RAPGEF3: variants seen among roughly 807,000 people sequenced by gnomAD.
RAPGEF3 encodes the protein Rap guanine nucleotide exchange factor 3, also known as 9330170P05Rik.
A neutral mutation model predicts 129.8 loss-of-function variants in RAPGEF3; 103 were observed. The ratio of observed to expected loss-of-function variants is 0.79; its 90% CI spans 0.68 to 0.93. RAPGEF3 has a LOEUF of 0.93. Ranked by LOEUF, RAPGEF3 falls within the 40% of genes least tolerant of loss-of-function variation. The pLI is 0.00. For missense variants in RAPGEF3, 1,117 were observed against 1,207.4 expected, an observed-to-expected ratio of 0.93 and a Z score of 1.11; for synonymous variants, 436 against 482.6, an observed-to-expected ratio of 0.90 and a Z score of 1.26.
intron 1 of RAPGEF3, 138 bp from the exon 2 acceptor site, chr12:47,758,216 G>T: frequency 7.0e-7 from 1 of 1,438,262 alleles, no homozygotes. Flanking sequence ...CCTGCCAGGA[G>T]CTGGGGGGAG....
rs2136724620 is a variant in RAPGEF3, at chr12:47,737,957, T to A, written c.2653+65A>T. ...TGGCACATGGCAAGTGCCTAGGATG[T>A]GCCAGCCATGGGTAACTACCATAAG... On this transcript the variant is annotated intron_variant, in intron 27 of 27. Coordinates refer to ENST00000449771, the MANE Select transcript of RAPGEF3 (RefSeq NM_001098531.4). 2.0e-6 allele frequency: 3 copies of A among 1,537,160 alleles called. No homozygotes were observed. In the South Asian group the frequency reaches 3.4e-5, roughly 17 times the overall value.
chr12:47,757,734 G>T, intron 2 of RAPGEF3, 132 bp downstream of exon 2: 1 of 835,894 alleles, frequency 1.2e-6, no homozygotes, highest in Non-Finnish European at 1.8e-6. Context: ...TCCTGACCCA[G>T]TGTCCACGGC....
chr12:47,752,029 T>G, intron 2 of RAPGEF3, 60 bp from the exon 3 acceptor site: 1 of 1,557,548 alleles, frequency 6.4e-7, no homozygotes, highest in Non-Finnish European at 8.8e-7. Flanking sequence ...AGCTCTTGGA[T>G]ACCTCCCCTC....
At chr12:47,740,528 C>G (rs966297292) in intron 21 of RAPGEF3, 114 bp downstream of exon 21, 1 of 1,485,664 alleles carries the variant, frequency 6.7e-7, no homozygotes, top group Middle Eastern at 1.7e-4. Flanking sequence ...CTCCAGGGGA[C>G]CCAGGGAACA....
In RAPGEF3 at chr12:47,741,040, T is replaced by A. The variant is rs143474061; in HGVS notation, c.1924A>T (p.Ile642Phe). The change falls in exon 20 of 28, where the codon ATC (isoleucine) becomes TTC (phenylalanine). Residue 642 changes from isoleucine to phenylalanine, a missense_variant and splice_region_variant. Physicochemically the swap from Ile to Phe is conservative, Grantham distance 21 (BLOSUM62 0). Coordinates refer to ENST00000449771, the MANE Select transcript of RAPGEF3 (RefSeq NM_001098531.4). ...VVNPQEVHEL[I>F]PHPDQLGPTV... ...GGCCCCAGCTGGTCAGGGTGTGGGA[T>A]CTGCGGGTGGGAGAGTGCTCAGGGG... The A allele has an allele frequency of 2.5e-6, 4 of 1,612,108 alleles. No homozygotes were observed. The highest frequency in any genetic ancestry group is 3.4e-6 in the Non-Finnish European group (4 of 1,179,400).
At chr12:47,744,355 C>T (rs1941317106) in intron 16 of RAPGEF3, 1 of 378,924 alleles carries the variant, frequency 2.6e-6, no homozygotes. Context: ...TATGAAAATC[C>T]TTCAGCTGCT....
intron 19 of RAPGEF3, 130 bp downstream of exon 19, chr12:47,741,375 C>T: frequency 1.0e-5 from 9 of 890,352 alleles, no homozygotes; most frequent in Non-Finnish European, 1.6e-5. Flanking sequence ...CCTTTGTGTG[C>T]TGAGGACCCA....
rs1347931577 is a variant in RAPGEF3 at position 47,749,655 on chromosome 12, G to C, written c.894+86C>G. ...AGGAGACACGGGGTCAGCAGCAGTA[G>C]ATCAACAAAGGCACTGCCCATGAGG... On this transcript the variant is annotated intron_variant, in intron 9 of 27. Coordinates refer to ENST00000449771, the MANE Select transcript of RAPGEF3 (RefSeq NM_001098531.4). This position sits in a 1 kb window ranked among gnomAD's most constrained non-coding sequence, Gnocchi z 4.5. The C allele has an allele frequency of 1.3e-6, 2 of 1,589,840 alleles. No homozygotes were observed. The highest frequency in any genetic ancestry group is 2.7e-5 in the African/African-American group (2 of 74,534).
At position 47,739,688 on chromosome 12, in the gene RAPGEF3, G is replaced by C. The variant is rs1395149574; in HGVS notation, c.2373+453C>G. ...CCTCAAAAGTTCCTGGAGGTGGGAG[G>C]TTCCACCCCCAACTCTATCCTCGCC... On this transcript the variant is annotated intron_variant, in intron 23 of 27. Coordinates refer to ENST00000449771, the MANE Select transcript of RAPGEF3 (RefSeq NM_001098531.4). The C allele has an allele frequency of 1.7e-5, 6 of 361,908 alleles. No homozygotes were observed. In the East Asian group the frequency reaches 3.4e-4, roughly 20 times the overall value. 22.4% of individuals were successfully genotyped at this position (361,908 alleles called of 1,614,324 possible). A position where few individuals can be genotyped will look rare whatever the true frequency, so the allele number is the denominator to read the frequency against.
chr12:47,736,312 C>A lies in RAPGEF3; in HGVS notation c.*1255G>T, dbSNP rs1393238412. The A allele has an allele frequency of 6.6e-6, 1 of 152,280 alleles. No homozygotes were observed. The highest frequency in any genetic ancestry group is 1.5e-5 in the Non-Finnish European group (1 of 68,076). The allele number at this position is 152,280 out of a possible 1,614,324, so 9.4% of individuals were successfully genotyped here. A position where few individuals can be genotyped will look rare whatever the true frequency, so the allele number is the denominator to read the frequency against. On this transcript the variant is annotated 3_prime_UTR_variant, in exon 28 of 28. Coordinates refer to ENST00000449771, the MANE Select transcript of RAPGEF3 (RefSeq NM_001098531.4). The stretch of plus-strand genomic sequence containing the variant: ...TGCAGAGGGGCCATACCAGCTGCCT[C>A]TGGACGCCCAAGGCCCTGCAGCCTC...
chr12:47,743,447 A>G, intron 18 of RAPGEF3, 83 bp downstream of exon 18: 3 of 1,491,294 alleles, frequency 2.0e-6, no homozygotes, highest in African/African-American at 2.8e-5. Flanking sequence ...GATGACAATG[A>G]TGACAATGAT....
At chr12:47,750,237 T>C (rs1475055952) in intron 7 of RAPGEF3, 104 bp downstream of exon 7, 2 of 1,283,766 alleles carry the variant, frequency 1.6e-6, no homozygotes, top group Non-Finnish European at 2.2e-6. Flanking sequence ...CAGCCATAGA[T>C]GGAAGTGGAG....
intron 2 of RAPGEF3, 109 bp downstream of exon 2, chr12:47,757,757 G>A: frequency 1.8e-6 from 2 of 1,100,072 alleles, no homozygotes; most frequent in Admixed American, 4.5e-5. Context: ...CTGTACCACT[G>A]TACACCCCCA....
rs56304982 is a variant in RAPGEF3 at position 47,758,822 on chromosome 12, G to C, written c.-266C>G. 0.29 allele frequency: 357,604 copies of C among 1,219,636 alleles called. 53,483 individuals are homozygous for C. Among genetic ancestry groups the C allele is most frequent in the African/African-American group, 0.36 (23,039 of 64,154 alleles). The allele number at this position is 1,219,636 out of a possible 1,614,324, so 75.6% of individuals were successfully genotyped here. A position where few individuals can be genotyped will look rare whatever the true frequency, so the allele number is the denominator to read the frequency against. ...ACCGGCGACAGGGAGCCCCGAGCCT[G>C]CGCCTTCGTCTCAGACGAAGGAGCC... On this transcript the variant is annotated 5_prime_UTR_variant, in exon 1 of 28. Coordinates refer to ENST00000449771, the MANE Select transcript of RAPGEF3 (RefSeq NM_001098531.4).
chr12:47,751,837 G>C lies in RAPGEF3; in HGVS notation c.274-8C>G, dbSNP rs1941769520. 6.2e-7 allele frequency: 1 copy of C among 1,614,044 alleles called. No individual in the cohort carries two copies. Among genetic ancestry groups the C allele is most frequent in the Non-Finnish European group, 8.5e-7 (1 of 1,180,012 alleles). On this transcript the variant is annotated splice_region_variant and splice_polypyrimidine_tract_variant and intron_variant, in intron 3 of 27. Coordinates refer to ENST00000449771, the MANE Select transcript of RAPGEF3 (RefSeq NM_001098531.4). ...CACCCGCTCTGTGGAGGCCTTAGAG[G>C]GAGGAAGGGCACAGCAGTTCAGGCT...
intron 26 of RAPGEF3, 23 bp downstream of exon 26, chr12:47,738,170 A>G: frequency 8.0e-7 from 1 of 1,254,200 alleles, no homozygotes; most frequent in Non-Finnish European, 1.1e-6. Context: ...GGGACCTCCC[A>G]CCCCGGGGAC....
At chr12:47,753,696 A>T (rs1014183389) in intron 2 of RAPGEF3, among the ~76,000 whole-genome samples, 1 of 152,250 alleles carries the variant, frequency 6.6e-6, no homozygotes, top group Non-Finnish European at 1.5e-5. Context: ...CTGTGTCGGA[A>T]CAAACAGTGC....
chr12:47,737,288 C>T lies in RAPGEF3; in HGVS notation c.*279G>A. 4.3e-6 allele frequency: 2 copies of T among 467,246 alleles called. No individual in the cohort carries two copies. The highest frequency in any genetic ancestry group is 7.9e-6 in the Non-Finnish European group (2 of 254,768). 28.9% of individuals were successfully genotyped at this position (467,246 alleles called of 1,614,324 possible). ...GAGACCTCTCTATTGCACACAACGT[C>T]CCAGCGCACTCCACTCTCCACCCAC... On this transcript the variant is annotated 3_prime_UTR_variant, in exon 28 of 28. Coordinates refer to ENST00000449771, the MANE Select transcript of RAPGEF3 (RefSeq NM_001098531.4).
Position 47,749,133 on chromosome 12 carries a change from G to A in RAPGEF3, c.1042-202C>T, listed in dbSNP as rs578206174. ...TGCCTCCCCCACAGCCTAGTCCCCC[G>A]CCCCCTGCATGCCCATCCTTCCCCT... On this transcript the variant is annotated intron_variant, in intron 10 of 27. Transcript: ENST00000449771. The surrounding 1 kb of genome is among the most constrained non-coding windows in gnomAD (Gnocchi z 4.5). The A allele has an allele frequency of 2.8e-5, 15 of 527,674 alleles. No individual in the cohort carries two copies. The highest frequency in any genetic ancestry group is 1.8e-4 in the East Asian group (6 of 33,612). 32.7% of individuals were successfully genotyped at this position (527,674 alleles called of 1,614,324 possible).
Sources: gnomAD v4.1 joint callset for allele counts (sites outside exome capture counted in the v4.1 genomes callset) on GRCh38, gnomAD v4.1.1 for gene constraint, Gnocchi (gnomAD v3.1) non-coding constraint, MANE v1.5 for transcripts, NCBI Gene and HGNC (gene_info 2026-07-23, HGNC 2026-07-21) for gene names.